The following DOP1B variants were observed in gnomAD, a reference collection of about 807,000 sequenced individuals.
DOP1B encodes the protein DOP1 leucine zipper like protein B, also known as protein DOP1B.
Under a neutral mutation model 233.5 loss-of-function variants are expected in DOP1B, and 174 were observed. The observed-to-expected ratio is 0.75, with a 90% CI of 0.66 to 0.85. The LOEUF (loss-of-function observed/expected upper bound fraction) is 0.85, where lower values mean the gene tolerates loss of function less well. Ranked by LOEUF, DOP1B falls within the 40% of genes least tolerant of loss-of-function variation. The pLI is 0.00. For synonymous variants in DOP1B, 1,190 were observed against 1,185.6 expected (o/e 1.00, Z -0.08); for missense variants, 2,652 against 2,846.6 (o/e 0.93, Z 1.56).
chr21:36,157,774 T>C (rs531506395), intron 1 of DOP1B, among the ~76,000 whole-genome samples: 5 of 152,342 alleles, frequency 3.3e-5, no homozygotes, highest in African/African-American at 9.6e-5. Flanking sequence ...AGGATCATTA[T>C]CAATTTTATT....
intron 16 of DOP1B, among the ~76,000 whole-genome samples, chr21:36,237,630 C>G (rs760641694): frequency 2.0e-5 from 3 of 152,172 alleles, no homozygotes; most frequent in Non-Finnish European, 4.4e-5. Context: ...GGTTTGTGAC[C>G]ATATTGAGGC....
chr21:36,185,415 C>T (rs2066153010), intron 2 of DOP1B, among the ~76,000 whole-genome samples: 1 of 152,104 alleles, frequency 6.6e-6, no homozygotes, highest in Admixed American at 6.6e-5. Context: ...GCTCTTAGAC[C>T]CCCCAAATAG....
chr21:36,229,943 A>G (rs941716600), intron 13 of DOP1B, among the ~76,000 whole-genome samples: 2 of 151,590 alleles, frequency 1.3e-5, no homozygotes, highest in Non-Finnish European at 2.9e-5. Context: ...GATTACAGGC[A>G]TGAGCCACCA....
chr21:36,291,580 C>T (rs926986989), intron 35 of DOP1B, among the ~76,000 whole-genome samples: 11 of 151,848 alleles, frequency 7.2e-5, no homozygotes, highest in Middle Eastern at 3.4e-3. Flanking sequence ...AAGTGGGTTC[C>T]GATATATGTG....
At chr21:36,227,568 A>C in intron 12 of DOP1B, 118 bp from the exon 13 acceptor site, 1 of 927,274 alleles carries the variant, frequency 1.1e-6, no homozygotes, top group Non-Finnish European at 1.6e-6. Flanking sequence ...GAAAGAAAGA[A>C]AGAAAATTAG....
In DOP1B at chr21:36,208,784, G is replaced by A; in HGVS notation, c.561G>A (p.Gly187=). Reference sequence around the variant, plus strand: ...AGGTGTTTTACACCGCCCTCTGGGGGAGCGTCCTGGCCAGCCCGTCCATCC... The same window carrying A: ...AGGTGTTTTACACCGCCCTCTGGGGAAGCGTCCTGGCCAGCCCGTCCATCC... ...GKEVFYTALW[G]SVLASPSIRL... The change falls in exon 5 of 37, where the codon GGG becomes GGA. Residue 187 remains glycine, a synonymous_variant. Transcript: ENST00000691173. 1 of 1,612,708 alleles carries A rather than the reference G, an allele frequency of 6.2e-7. No individual in the cohort carries two copies. The highest frequency in any genetic ancestry group is 8.5e-7 in the Non-Finnish European group (1 of 1,179,366).
intron 1 of DOP1B, among the ~76,000 whole-genome samples, chr21:36,164,267 G>T (rs1319378744): frequency 6.6e-6 from 1 of 152,194 alleles, no homozygotes; most frequent in Non-Finnish European, 1.5e-5. Flanking sequence ...AGGCTGCAGT[G>T]ACCCGTGATC....
intron 2 of DOP1B, among the ~76,000 whole-genome samples, chr21:36,176,097 C>CGTGTGTGTGTGTGTGT (rs1555886143): frequency 0.011 from 1,506 of 141,816 alleles, 27 homozygotes; most frequent in East Asian, 0.037. Context: ...GGTGTGTGTG[C>CGTGTGTGTGTGTGTGT]GTGTGTGTGT....
chr21:36,283,481 C>T (rs1265974132), intron 32 of DOP1B, among the ~76,000 whole-genome samples: 1 of 152,190 alleles, frequency 6.6e-6, no homozygotes, highest in African/African-American at 2.4e-5. Context: ...CTTTAACTGA[C>T]ATAATTTCCG....
At position 36,211,725 on chromosome 21, in the gene DOP1B, G is replaced by A; in HGVS notation, c.780+74G>A. 4.7e-6 allele frequency: 7 copies of A among 1,491,904 alleles called. No homozygotes were observed. In the South Asian group the frequency reaches 8.0e-5, roughly 17 times the overall value. The allele number at this position is 1,491,904 out of a possible 1,614,324, so 92.4% of individuals were successfully genotyped here. A position where few individuals can be genotyped will look rare whatever the true frequency, so the allele number is the denominator to read the frequency against. On this transcript the variant is annotated intron_variant, in intron 6 of 36. Coordinates refer to ENST00000691173, the MANE Select transcript of DOP1B (RefSeq NM_001320714.2). ...TGGGATATAGATCTCAAGCAGTTCTGTCGTACGAGGACAGCTCAGCCACTC... is the reference window on the plus strand; with the variant it reads ...TGGGATATAGATCTCAAGCAGTTCTATCGTACGAGGACAGCTCAGCCACTC...
intron 32 of DOP1B, among the ~76,000 whole-genome samples, chr21:36,284,192 C>T (rs898139232): frequency 4.6e-5 from 7 of 151,516 alleles, no homozygotes; most frequent in Admixed American, 1.3e-4. Context: ...TCAAGTGATC[C>T]GCCTGTGTTG....
chr21:36,160,422 G>A lies in DOP1B; in HGVS notation c.-27+3479G>A, dbSNP rs976537853. On this transcript the variant is annotated intron_variant, in intron 1 of 36. Transcript: ENST00000691173. ...TTGGGGTTGGAGGGTGCAGTGACAA[G>A]TGGGTAGAGTCTTGTAAGCTGGAAA... 2.0e-5 allele frequency among the ~76,000 whole-genome samples: 3 copies of A among 151,890 alleles called. No homozygotes were observed. In the South Asian group the frequency reaches 6.2e-4, roughly 32 times the overall value.
At position 36,248,391 on chromosome 21, in the gene DOP1B, A is replaced by C; in HGVS notation, c.4821A>C (p.Ala1607=). 1 of 1,613,538 alleles carries C rather than the reference A, an allele frequency of 6.2e-7. No individual in the cohort carries two copies. The highest frequency in any genetic ancestry group is 8.5e-7 in the Non-Finnish European group (1 of 1,179,832). ...QANQNKKTMA[A]GDPANLRNAR... ...ATTTTAATTTTTAGACCATGGCTGC[A>C]GGTGATCCTGCCAACTTGAGGAATG... The change falls in exon 21 of 37, where the codon GCA becomes GCC. Residue 1607 remains alanine, a synonymous_variant. Transcript: ENST00000691173.
At chr21:36,196,106 GC>G (rs1267329902) in intron 2 of DOP1B, among the ~76,000 whole-genome samples, 1 of 152,260 alleles carries the variant, frequency 6.6e-6, no homozygotes, top group African/African-American at 2.4e-5. Context: ...AATCCCAGAT[GC>G]TCCCCATGGG....
chr21:36,280,931 G>A (rs781121258), intron 31 of DOP1B, among the ~76,000 whole-genome samples: 26 of 151,980 alleles, frequency 1.7e-4, no homozygotes, highest in Non-Finnish European at 3.7e-4. Flanking sequence ...GAACCCGGGA[G>A]GCAGAGATTA....
In DOP1B at chr21:36,233,077, T is replaced by C. The variant is rs761842903; in HGVS notation, c.2622+2T>C. On this transcript the variant is annotated splice_donor_variant, in intron 15 of 36. Coordinates refer to ENST00000691173, the MANE Select transcript of DOP1B (RefSeq NM_001320714.2). LOFTEE classifies it high-confidence loss of function. ...GCAGAGAAAACAGATTTCTATCAGG[T>C]ATTTCCCACTGGGAACACTCTTCTT... 1 of 1,613,754 alleles carries C rather than the reference T, an allele frequency of 6.2e-7. No homozygotes were observed. Among genetic ancestry groups the C allele is most frequent in the South Asian group, 1.1e-5 (1 of 91,052 alleles).
In DOP1B at chr21:36,231,253, T is replaced by C. The variant is rs116119594; in HGVS notation, c.2350+119T>C. 1.0e-3 allele frequency: 1,381 copies of C among 1,317,330 alleles called. 16 individuals are homozygous for C. The African/African-American group carries it at 0.018, about 17-fold the overall frequency. The allele number at this position is 1,317,330 out of a possible 1,614,324, so 81.6% of individuals were successfully genotyped here. Reference sequence around the variant, plus strand: ...CAAATGTATTTTGGATTTCGGACTTTTTTCAGATTTTTGGAATATTTGCCT... The same window carrying C: ...CAAATGTATTTTGGATTTCGGACTTCTTTCAGATTTTTGGAATATTTGCCT... On this transcript the variant is annotated intron_variant, in intron 14 of 36. Coordinates refer to ENST00000691173, the MANE Select transcript of DOP1B (RefSeq NM_001320714.2).
Position 36,230,516 on chromosome 21 carries a change from G to A in DOP1B, c.1732G>A (p.Asp578Asn). 3 of 1,613,890 alleles carry A rather than the reference G, an allele frequency of 1.9e-6. No homozygotes were observed. The highest frequency in any genetic ancestry group is 2.5e-6 in the Non-Finnish European group (3 of 1,179,754). The change falls in exon 14 of 37, where the codon GAT becomes AAT. Residue 578 changes from aspartate to asparagine, a missense_variant. Around this residue, in one of 3 missense-constraint regions of DOP1B, gnomAD observed 2,617 missense variants for 2,794.3 expected, o/e 0.94. Transcript: ENST00000691173. ...AAAGGCAGTGATTCCCGGTGACGAA[G>A]ATGCTTCGTTTCCCCCTCTGAAGTC... ...ETKAVIPGDE[D>N]ASFPPLKSED...
rs138343054 is a variant in DOP1B at position 36,225,611 on chromosome 21, C to T, written c.1417C>T (p.Pro473Ser). Residue 473 changes from proline (P) to serine (S), a missense_variant, in exon 12 of 37, where the codon CCC becomes TCC. This residue lies in a region of DOP1B where 2,617 missense variants were observed against 2,794.3 expected (regional missense o/e 0.94). Transcript: ENST00000691173. The part of the protein sequence containing the change: ...YSVRNSVSPP[P>S]TVSELCALLV... Reference sequence around the variant, plus strand: ...CGTGAGGAACAGCGTCAGCCCTCCCCCCACGGTCTCGGAGCTCTGCGCCCT... The same window carrying T: ...CGTGAGGAACAGCGTCAGCCCTCCCTCCACGGTCTCGGAGCTCTGCGCCCT... 2.4e-5 allele frequency: 38 copies of T among 1,614,166 alleles called. No individual in the cohort carries two copies. The highest frequency in any genetic ancestry group is 2.7e-5 in the Non-Finnish European group (32 of 1,180,036).
Sources: allele counts gnomAD v4.1 joint callset (sites outside exome capture counted in the v4.1 genomes callset), GRCh38; gene constraint gnomAD v4.1.1; regional missense constraint gnomAD v4.1.1; transcripts MANE v1.5; gene names NCBI Gene and HGNC (gene_info 2026-07-23, HGNC 2026-07-21).